Variants in CYTH1 observed in about 807,000 individuals in gnomAD.
CYTH1 encodes the protein cytohesin-1.
A neutral mutation model predicts 61.8 loss-of-function variants in CYTH1; 18 were observed. The observed-to-expected ratio is 0.29, with a 90% CI of 0.20 to 0.43. The LOEUF is 0.43. Ranked by LOEUF, CYTH1 falls within the 20% of genes least tolerant of loss-of-function variation. The probability of loss-of-function intolerance (pLI) is 1.00; values close to 1 mark genes in which losing one functional copy is unlikely to be tolerated. For synonymous variants in CYTH1, 174 were observed against 184.3 expected, an observed-to-expected ratio of 0.94 and a Z score of 0.45; for missense variants, 336 against 510.5, an observed-to-expected ratio of 0.66 and a Z score of 3.29.
chr17:78,749,287 C>T lies in CYTH1; in HGVS notation c.22+32915G>A, dbSNP rs11656780. Among the ~76,000 whole-genome samples the T allele has an allele frequency of 5.4e-3, 821 of 152,166 alleles. 4 individuals carry two copies. The highest frequency in any genetic ancestry group is 9.5e-3 in the Non-Finnish European group (643 of 67,994). ...CCAGCCTGGTCAACATGGCGAAACC[C>T]CGTCTCCACTAAAAATATAAAAATT... is the stretch of plus-strand genomic sequence containing the variant. On this transcript the variant is annotated intron_variant, in intron 1 of 13. Coordinates refer to ENST00000446868, the MANE Select transcript of CYTH1 (RefSeq NM_004762.6).
intron 1 of CYTH1, chr17:78,736,634 C>T (rs2093321307): frequency 7.3e-6 from 2 of 275,612 alleles, no homozygotes; most frequent in Non-Finnish European, 1.6e-5. Context: ...ACCTAAAACT[C>T]CACTCCATAT....
chr17:78,702,263 C>T lies in CYTH1; in HGVS notation c.238-23G>A, dbSNP rs1243210602. The stretch of plus-strand genomic sequence containing the variant: ...CCCCTAGAAAAAGACAACAAAGACG[C>T]CAATGATGCTTTGCTGGGAAACAGT... On this transcript the variant is annotated intron_variant, in intron 4 of 13. Coordinates refer to ENST00000446868, the MANE Select transcript of CYTH1 (RefSeq NM_004762.6). 10 of 1,576,618 alleles carry T rather than the reference C, an allele frequency of 6.3e-6. No homozygotes were observed. The East Asian group carries it at 1.8e-4, about 28-fold the overall frequency.
At chr17:78,719,846 C>T (rs1250466768) in intron 1 of CYTH1, among the ~76,000 whole-genome samples, 1 of 152,200 alleles carries the variant, frequency 6.6e-6, no homozygotes, top group Non-Finnish European at 1.5e-5. Context: ...CACCTTCACA[C>T]AGTCTATCTA....
chr17:78,760,852 T>C (rs537260236), intron 1 of CYTH1, among the ~76,000 whole-genome samples: 4 of 152,052 alleles, frequency 2.6e-5, no homozygotes, highest in Admixed American at 2.0e-4. Context: ...TACTTCCCAA[T>C]AAACCCATCG....
intron 1 of CYTH1, among the ~76,000 whole-genome samples, chr17:78,743,271 C>G (rs2093348318): frequency 1.3e-5 from 2 of 152,252 alleles, no homozygotes; most frequent in South Asian, 4.2e-4. Flanking sequence ...AGAGAATTCT[C>G]CCATCATCTC....
chr17:78,754,742 T>A (rs2093394220), intron 1 of CYTH1, among the ~76,000 whole-genome samples: 1 of 152,216 alleles, frequency 6.6e-6, no homozygotes. Context: ...TAAATCCATT[T>A]TTAAATTTAT....
intron 11 of CYTH1, among the ~76,000 whole-genome samples, chr17:78,691,112 A>G (rs963680367): frequency 2.0e-5 from 3 of 152,236 alleles, no homozygotes; most frequent in East Asian, 1.9e-4. Context: ...TTACTCTCAT[A>G]TGAAAAGACT....
At chr17:78,718,793 T>C (rs1000622256) in intron 1 of CYTH1, among the ~76,000 whole-genome samples, 1 of 152,262 alleles carries the variant, frequency 6.6e-6, no homozygotes, top group Non-Finnish European at 1.5e-5. Flanking sequence ...TTGTGAGGAA[T>C]GCGTGATGGA....
At chr17:78,730,236 A>T (rs190292362) in intron 1 of CYTH1, among the ~76,000 whole-genome samples, 2 of 152,140 alleles carry the variant, frequency 1.3e-5, no homozygotes, top group East Asian at 3.9e-4. Context: ...GTCAATAGTC[A>T]CTGACTAGGC....
At chr17:78,777,212 G>A (rs2093495814) in intron 1 of CYTH1, among the ~76,000 whole-genome samples, 1 of 151,520 alleles carries the variant, frequency 6.6e-6, no homozygotes, top group African/African-American at 2.4e-5. Context: ...GAGGTCAGGA[G>A]ATCGAGACCA....
rs1356984625 is a variant in CYTH1 at position 78,700,685 on chromosome 17, G to T, written c.438-242C>A. The stretch of plus-strand genomic sequence containing the variant: ...ACTACAGGCACACGCCACCATGCCC[G>T]GCTAATTTTTTGTATTTTTAGTAGA... On this transcript the variant is annotated intron_variant, in intron 6 of 13. Coordinates refer to ENST00000446868, the MANE Select transcript of CYTH1 (RefSeq NM_004762.6). This position sits in a 1 kb window ranked among gnomAD's most constrained non-coding sequence, Gnocchi z 5.1. Among the ~76,000 whole-genome samples, 3 of 152,032 alleles carry T rather than the reference G, an allele frequency of 2.0e-5. No individual in the cohort carries two copies. Among genetic ancestry groups the T allele is most frequent in the Non-Finnish European group, 4.4e-5 (3 of 68,004 alleles).
Position 78,782,267 on chromosome 17 carries a change from C to G in CYTH1, c.-44G>C. Reference sequence around the variant, plus strand: ...CGCGCTCCGGCTCGCCGCTCGCGTCCCGCCGCGCCACCCGCGCCCCCGCTC... The same window carrying G: ...CGCGCTCCGGCTCGCCGCTCGCGTCGCGCCGCGCCACCCGCGCCCCCGCTC... On this transcript the variant is annotated 5_prime_UTR_variant, in exon 1 of 14. Transcript: ENST00000446868. 4.1e-6 allele frequency: 5 copies of G among 1,215,242 alleles called. No individual in the cohort carries two copies. Among genetic ancestry groups the G allele is most frequent in the Non-Finnish European group, 5.2e-6 (5 of 965,994 alleles). 75.3% of individuals were successfully genotyped at this position (1,215,242 alleles called of 1,614,324 possible). A position where few individuals can be genotyped will look rare whatever the true frequency, so the allele number is the denominator to read the frequency against.
At chr17:78,751,650 T>A (rs574196703) in intron 1 of CYTH1, among the ~76,000 whole-genome samples, 2 of 152,288 alleles carry the variant, frequency 1.3e-5, no homozygotes, top group East Asian at 3.9e-4. Context: ...AAGGACTACC[T>A]TTGGACTGAT....
intron 13 of CYTH1, chr17:78,677,984 G>A (rs2092718780): frequency 6.6e-6 from 1 of 152,272 alleles, no homozygotes; most frequent in African/African-American, 2.4e-5. Flanking sequence ...TCCCTCATCT[G>A]TGAAATGGGG....
intron 1 of CYTH1, among the ~76,000 whole-genome samples, chr17:78,733,820 C>T (rs1204126263): frequency 6.6e-6 from 1 of 152,230 alleles, no homozygotes; most frequent in Non-Finnish European, 1.5e-5. Flanking sequence ...ATGGGCACAC[C>T]ACAGGGCAAG....
chr17:78,749,144 G>A (rs1360562516), intron 1 of CYTH1, among the ~76,000 whole-genome samples: 1 of 152,180 alleles, frequency 6.6e-6, no homozygotes, highest in Non-Finnish European at 1.5e-5. Context: ...GCTCAGACCT[G>A]TAATCCCAGC....
At chr17:78,739,871 A>G (rs890073744) in intron 1 of CYTH1, among the ~76,000 whole-genome samples, 1 of 152,080 alleles carries the variant, frequency 6.6e-6, no homozygotes, top group African/African-American at 2.4e-5. Flanking sequence ...GTGAGGTGTA[A>G]AAGAGAGAAG....
At chr17:78,746,708 G>A (rs910690408) in intron 1 of CYTH1, among the ~76,000 whole-genome samples, 5 of 152,144 alleles carry the variant, frequency 3.3e-5, no homozygotes, top group Admixed American at 6.5e-5. Flanking sequence ...TTGGAAGGCC[G>A]AGGTGAGAGG....
chr17:78,695,918 A>T, intron 10 of CYTH1, 89 bp downstream of exon 10: 1 of 1,361,658 alleles, frequency 7.3e-7, no homozygotes. Context: ...CAATTAAAAA[A>T]CAAAATAACC....
Sources: allele counts gnomAD v4.1 joint callset (sites outside exome capture counted in the v4.1 genomes callset), GRCh38; gene constraint gnomAD v4.1.1; non-coding constraint Gnocchi (gnomAD v3.1); transcripts MANE v1.5; gene names NCBI Gene and HGNC (gene_info 2026-07-23, HGNC 2026-07-21).